Variants in ZFAT observed in about 807,000 individuals in gnomAD.
ZFAT encodes zinc finger and AT-hook domain containing.
ZFAT carries 64 observed loss-of-function variants against 117.7 expected under a neutral mutation model. That is an observed-to-expected ratio of 0.54 (90% CI 0.44 to 0.67). ZFAT has a LOEUF of 0.67. Ranked by LOEUF, ZFAT falls within the 30% of genes least tolerant of loss-of-function variation. The pLI is 0.00. For missense variants in ZFAT, 1,433 were observed against 1,584.5 expected (o/e 0.90, Z 1.62); for synonymous variants, 679 against 615.0 (o/e 1.10, Z -1.54).
At chr8:134,615,390 T>C (rs1174875361) in intron 3 of ZFAT, among the ~76,000 whole-genome samples, 2 of 152,150 alleles carry the variant, frequency 1.3e-5, no homozygotes, top group Non-Finnish European at 2.9e-5. Flanking sequence ...GGTTTCGCCA[T>C]GTTAGCCAGA....
chr8:134,804,372 T>C, the ZFAT span, among the ~76,000 whole-genome samples: 3 of 152,244 alleles, frequency 2.0e-5, no homozygotes, highest in South Asian at 6.2e-4. Flanking sequence ...GTAATATCAC[T>C]CAGGGTGAGG....
chr8:134,535,217 A>G (rs1372147037), intron 11 of ZFAT, among the ~76,000 whole-genome samples: 2 of 152,052 alleles, frequency 1.3e-5, no homozygotes, highest in African/African-American at 4.8e-5. Flanking sequence ...TCATTTTTGC[A>G]TTGTTGATTG....
At chr8:134,565,652 T>C in intron 10 of ZFAT, 1 of 633,554 alleles carries the variant, frequency 1.6e-6, no homozygotes, top group Non-Finnish European at 2.8e-6. Flanking sequence ...CAGCTCCACC[T>C]GGGGAGGCCC....
intron 11 of ZFAT, among the ~76,000 whole-genome samples, chr8:134,551,585 G>A (rs1823171409): frequency 1.3e-5 from 2 of 152,218 alleles, no homozygotes; most frequent in African/African-American, 4.8e-5. Context: ...TTCTGAGGGG[G>A]TGCTGAGACT....
the ZFAT span, among the ~76,000 whole-genome samples, chr8:134,735,212 T>G: frequency 4.1e-4 from 63 of 152,314 alleles, no homozygotes; most frequent in Admixed American, 1.0e-3. Context: ...CAAAATTATA[T>G]AGAAAATTTT....
the ZFAT span, among the ~76,000 whole-genome samples, chr8:134,770,298 C>T: frequency 2.0e-5 from 3 of 152,168 alleles, no homozygotes; most frequent in Admixed American, 6.5e-5. Context: ...ATGGAGGGAC[C>T]GGCTGAAGCC....
At chr8:134,524,550 G>T (rs529742806) in intron 12 of ZFAT, among the ~76,000 whole-genome samples, 12 of 152,290 alleles carry the variant, frequency 7.9e-5, no homozygotes, top group Admixed American at 1.3e-4. Context: ...TCCCAGACAG[G>T]CAATGTATGG....
chr8:134,724,484 G>T, the ZFAT span, among the ~76,000 whole-genome samples: 2 of 152,140 alleles, frequency 1.3e-5, no homozygotes, highest in Admixed American at 1.3e-4. Flanking sequence ...AAGAGTATGG[G>T]GACACAGGGC....
At chr8:134,759,233 C>A in the ZFAT span, among the ~76,000 whole-genome samples, 6 of 152,114 alleles carry the variant, frequency 3.9e-5, no homozygotes, top group African/African-American at 1.4e-4. Flanking sequence ...TCACAACGGA[C>A]CTGGGAGGTA....
At chr8:134,492,459 A>T (rs1289003158) in intron 15 of ZFAT, among the ~76,000 whole-genome samples, 1 of 152,254 alleles carries the variant, frequency 6.6e-6, no homozygotes, top group East Asian at 1.9e-4. Context: ...ACAACCTAAC[A>T]ACAAGAATGA....
At chr8:134,712,364 T>C (rs901389053) in intron 1 of ZFAT, among the ~76,000 whole-genome samples, 2 of 152,194 alleles carry the variant, frequency 1.3e-5, no homozygotes, top group African/African-American at 2.4e-5. Context: ...TTAAATGACT[T>C]GCACCGGGTG....
At chr8:134,686,646 A>G (rs749465290) in intron 1 of ZFAT, among the ~76,000 whole-genome samples, 6 of 152,188 alleles carry the variant, frequency 3.9e-5, no homozygotes, top group Non-Finnish European at 7.3e-5. Context: ...GACCCTGCGC[A>G]CACACACTTG....
Position 134,617,478 on chromosome 8 carries a change from T to C in ZFAT, c.449-6823A>G, listed in dbSNP as rs138041845. 2.8e-4 allele frequency among the ~76,000 whole-genome samples: 42 copies of C among 152,332 alleles called. No homozygotes were observed. The East Asian group carries it at 6.6e-3, about 24-fold the overall frequency. On this transcript the variant is annotated intron_variant, in intron 3 of 15. Coordinates refer to ENST00000377838, the MANE Select transcript of ZFAT (RefSeq NM_020863.4). ...AACAACAATTAAGATTAGATATTTC[T>C]TGGACAATGATATGACAACACACTA...
At chr8:134,619,260 A>G (rs1434247074) in intron 3 of ZFAT, among the ~76,000 whole-genome samples, 1 of 151,968 alleles carries the variant, frequency 6.6e-6, no homozygotes, top group Non-Finnish European at 1.5e-5. Flanking sequence ...ATAATAATAT[A>G]AATTTTATAG....
At position 134,712,875 on chromosome 8, in the gene ZFAT, A is replaced by T; in HGVS notation, c.-12T>A. On this transcript the variant is annotated 5_prime_UTR_variant, in exon 1 of 16. Transcript: ENST00000377838. Reference sequence around the variant, plus strand: ...GCCCGCGTCTCCATGGCAACGCCCCACCGCGGAGGAAAAAAAAGCCTCGGG... The same window carrying T: ...GCCCGCGTCTCCATGGCAACGCCCCTCCGCGGAGGAAAAAAAAGCCTCGGG... 1 of 1,114,904 alleles carries T rather than the reference A, an allele frequency of 9.0e-7. No homozygotes were observed. Among genetic ancestry groups the T allele is most frequent in the Non-Finnish European group, 1.1e-6 (1 of 904,844 alleles). The allele number at this position is 1,114,904 out of a possible 1,614,324, so 69.1% of individuals were successfully genotyped here. A position where few individuals can be genotyped will look rare whatever the true frequency, so the allele number is the denominator to read the frequency against.
chr8:134,605,462 C>T (rs907231289), intron 5 of ZFAT, among the ~76,000 whole-genome samples: 1 of 151,456 alleles, frequency 6.6e-6, no homozygotes, highest in Non-Finnish European at 1.5e-5. Context: ...GGGAGAATGG[C>T]GTGAACCCAG....
intron 2 of ZFAT, among the ~76,000 whole-genome samples, chr8:134,649,670 T>C (rs957216103): frequency 3.3e-5 from 5 of 152,138 alleles, no homozygotes; most frequent in African/African-American, 1.2e-4. Context: ...GACTTGAACA[T>C]TGAAAAATAC....
At chr8:134,548,848 C>G (rs1440857254) in intron 11 of ZFAT, among the ~76,000 whole-genome samples, 1 of 152,198 alleles carries the variant, frequency 6.6e-6, no homozygotes, top group African/African-American at 2.4e-5. Flanking sequence ...TTCCTGAGGA[C>G]AGAAGCCATG....
chr8:134,497,542 T>A (rs1241412326), intron 15 of ZFAT, among the ~76,000 whole-genome samples: 1 of 23,502 alleles, frequency 4.3e-5, no homozygotes, highest in Non-Finnish European at 7.9e-5. Context: ...ACAGAGCCGA[T>A]TTGGTAGGGT....
Sources: gnomAD v4.1 joint callset for allele counts (sites outside exome capture counted in the v4.1 genomes callset) on GRCh38, gnomAD v4.1.1 for gene constraint, MANE v1.5 for transcripts, NCBI Gene and HGNC (gene_info 2026-07-23, HGNC 2026-07-21) for gene names.